PCSK4: variants seen among roughly 807,000 people sequenced by gnomAD.
The protein encoded by PCSK4 is proprotein convertase subtilisin/kexin type 4.
In PCSK4, 64 loss-of-function variants were observed where a neutral mutation model predicts 80.3. The observed-to-expected ratio is 0.80, with a 90% CI of 0.65 to 0.98. PCSK4 has a LOEUF of 0.98. Among genes scored for constraint, PCSK4 ranks in the 50% least tolerant of loss-of-function variants. PCSK4 has a pLI of 0.00. For missense variants in PCSK4, 1,213 were observed against 1,093.6 expected (o/e 1.11, Z -1.54); for synonymous variants, 561 against 487.6 (o/e 1.15, Z -1.98).
In PCSK4 at chr19:1,489,414, G is replaced by A. The variant is rs987589795; in HGVS notation, c.294+379C>T. Among the ~76,000 whole-genome samples the A allele has an allele frequency of 2.0e-5, 3 of 152,168 alleles. No homozygotes were observed. The East Asian group carries it at 5.8e-4, about 29-fold the overall frequency. ...CTCCCAAAGTGCTGGGATTACAGGC[G>A]TGAGCCACCGCGCCGGGCCAAGCCT... On this transcript the variant is annotated intron_variant, in intron 2 of 14. Transcript: ENST00000300954.
intron 2 of PCSK4, among the ~76,000 whole-genome samples, chr19:1,489,250 G>A (rs886718532): frequency 2.6e-5 from 4 of 151,230 alleles, no homozygotes; most frequent in Non-Finnish European, 5.9e-5. Context: ...TCCTGCCTAA[G>A]CCTCCTGAAT....
In PCSK4 at chr19:1,489,127, C is replaced by T. The variant is rs904725535; in HGVS notation, c.294+666G>A. Among the ~76,000 whole-genome samples the T allele has an allele frequency of 2.1e-5, 3 of 140,760 alleles. No homozygotes were observed. In the Admixed American group the frequency reaches 2.2e-4, roughly 10 times the overall value. 92.3% of individuals were successfully genotyped at this position (140,760 alleles called of 152,430 possible). On this transcript the variant is annotated intron_variant, in intron 2 of 14. Transcript: ENST00000300954. ...GGGCCACTGGGTGACTGTAAGCCTC[C>T]TACTTTTTTTTTTTTTTTTTTTGAG... is the stretch of plus-strand genomic sequence containing the variant.
upstream of PCSK4, chr19:1,490,714 A>C: frequency 4.0e-6 from 1 of 250,566 alleles, no homozygotes; most frequent in Non-Finnish European, 7.6e-6. Context: ...GTCCGGCCTA[A>C]TCAGAATCAT....
intron 2 of PCSK4, chr19:1,489,506 G>A: frequency 2.3e-6 from 1 of 444,304 alleles, no homozygotes; most frequent in East Asian, 4.0e-5. Context: ...CCTAGACGGT[G>A]GGGAAGTCAC....
chr19:1,488,072 G>T, exon 4 of PCSK4: 1 of 1,613,220 alleles, frequency 6.2e-7, no homozygotes. Flanking sequence ...GGATGCTCAG[G>T]TCTGGTTGGG....
chr19:1,485,411 A>G (rs2084550592), intron 8 of PCSK4, among the ~76,000 whole-genome samples: 1 of 151,884 alleles, frequency 6.6e-6, no homozygotes, highest in East Asian at 1.9e-4. Flanking sequence ...AAAATATACA[A>G]AAGAAATTAG....
exon 15 of PCSK4, chr19:1,481,864 G>A: frequency 1.3e-6 from 2 of 1,584,824 alleles, no homozygotes; most frequent in Non-Finnish European, 1.7e-6. Flanking sequence ...AGAGGACGGG[G>A]CCTCCGAGGG....
rs187971361 is a variant in PCSK4 at position 1,487,347 on chromosome 19, G to A, written c.683-34C>T. ...CCAGGGCGGGAGGGCCGCTGCCACC[G>A]GCCCTGCCCTTCCCCACACCCCAGC... On this transcript the variant is annotated intron_variant, in intron 6 of 14. Coordinates refer to ENST00000300954, the Ensembl canonical transcript of PCSK4. 487 of 1,522,340 alleles carry A rather than the reference G, an allele frequency of 3.2e-4. 1 individual carries two copies. Among genetic ancestry groups the A allele is most frequent in the African/African-American group, 1.2e-3 (87 of 73,186 alleles). 94.3% of individuals were successfully genotyped at this position (1,522,340 alleles called of 1,614,324 possible). A position where few individuals can be genotyped will look rare whatever the true frequency, so the allele number is the denominator to read the frequency against.
chr19:1,490,545 C>T (rs1403986731), upstream of PCSK4: 4 of 501,424 alleles, frequency 8.0e-6, no homozygotes, highest in African/African-American at 2.0e-5. Flanking sequence ...GCCCGTCTTC[C>T]GCAGACCCAC....
At chr19:1,490,171 A>C in exon 1 of PCSK4, 1 of 1,613,674 alleles carries the variant, frequency 6.2e-7, no homozygotes, top group Non-Finnish European at 8.5e-7. Context: ...CCCCAGGTTG[A>C]CGAAGCCGAA....
chr19:1,489,709 C>T, intron 2 of PCSK4, 84 bp downstream of exon 2: 2 of 1,531,618 alleles, frequency 1.3e-6, no homozygotes, highest in Non-Finnish European at 1.8e-6. Context: ...TTCATAACAA[C>T]CACGAGAACC....
rs542171458 is a variant in PCSK4 at position 1,484,549 on chromosome 19, G to A, written c.1069-422C>T. Among the ~76,000 whole-genome samples, 50 of 151,348 alleles carry A rather than the reference G, an allele frequency of 3.3e-4. 1 individual carries two copies. Among genetic ancestry groups the A allele is most frequent in the Admixed American group, 1.9e-3 (29 of 15,160 alleles). On this transcript the variant is annotated intron_variant, in intron 8 of 14. Transcript: ENST00000300954. ...AAAAGTACCAAGGGCTGGGTGCGGT[G>A]GCTCACACCTGTAATCCCAGCACTT...
chr19:1,486,615 G>A (rs2084629359), intron 8 of PCSK4, among the ~76,000 whole-genome samples: 1 of 151,648 alleles, frequency 6.6e-6, no homozygotes, highest in Non-Finnish European at 1.5e-5. Flanking sequence ...TGTAGTTTTA[G>A]TAGAGACAGG....
chr19:1,488,616 T>G (rs1232891463), intron 2 of PCSK4, among the ~76,000 whole-genome samples: 3 of 152,184 alleles, frequency 2.0e-5, no homozygotes, highest in Non-Finnish European at 2.9e-5. Context: ...AGTCTTGTTC[T>G]GTCGCCCAGG....
chr19:1,490,261 A>G (rs1384306795), exon 1 of PCSK4: 1 of 1,607,258 alleles, frequency 6.2e-7, no homozygotes, highest in Non-Finnish European at 8.5e-7. Context: ...GGGGGCTCGG[A>G]CCGGGGCCCA....
chr19:1,486,177 A>T (rs1455962873), intron 8 of PCSK4, among the ~76,000 whole-genome samples: 1 of 147,822 alleles, frequency 6.8e-6, no homozygotes, highest in African/African-American at 2.5e-5. Flanking sequence ...GGGTTTTGCC[A>T]TGTTGGCTAG....
At chr19:1,485,892 A>G (rs2084579507) in intron 8 of PCSK4, among the ~76,000 whole-genome samples, 1 of 152,112 alleles carries the variant, frequency 6.6e-6, no homozygotes, top group Non-Finnish European at 1.5e-5. Context: ...AAATGAAAAG[A>G]AACCCTGGGC....
exon 10 of PCSK4, chr19:1,483,845 C>A: frequency 6.7e-7 from 1 of 1,493,158 alleles, no homozygotes; most frequent in Non-Finnish European, 8.8e-7. Context: ...CACCTTGGCG[C>A]CCCACGCCGT....
intron 8 of PCSK4, among the ~76,000 whole-genome samples, chr19:1,484,583 C>T (rs976489958): frequency 2.7e-5 from 4 of 149,962 alleles, no homozygotes; most frequent in East Asian, 2.0e-4. Flanking sequence ...TTTGGGAGGC[C>T]GAGGTGGGTG....
Sources: gnomAD v4.1 joint callset for allele counts (sites outside exome capture counted in the v4.1 genomes callset) on GRCh38, gnomAD v4.1.1 for gene constraint, MANE v1.5 for transcripts, NCBI Gene and HGNC (gene_info 2026-07-23, HGNC 2026-07-21) for gene names.